The following ASB3 variants were observed in gnomAD, a reference collection of about 807,000 sequenced individuals.
ASB3 encodes ankyrin repeat and SOCS box containing 3.
In ASB3, 41 loss-of-function variants were observed where a neutral mutation model predicts 54.5. The ratio of observed to expected loss-of-function variants is 0.75; its 90% CI spans 0.59 to 0.98. The LOEUF is 0.98. Ranked by LOEUF, ASB3 falls within the 50% of genes least tolerant of loss-of-function variation. The probability of loss-of-function intolerance (pLI) is 0.00; values close to 1 mark genes in which losing one functional copy is unlikely to be tolerated. For missense variants in ASB3, 733 were observed against 620.0 expected (o/e 1.18, Z -1.94); for synonymous variants, 266 against 221.2 (o/e 1.20, Z -1.80).
At chr2:53,689,408 G>C (rs1402286565) in intron 9 of ASB3, among the ~76,000 whole-genome samples, 1 of 152,140 alleles carries the variant, frequency 6.6e-6, no homozygotes, top group Non-Finnish European at 1.5e-5. Flanking sequence ...ACATGTTCTT[G>C]CTAAAGAAAA....
At chr2:53,767,616 G>C (rs544084911) in intron 1 of ASB3, 1 of 438,072 alleles carries the variant, frequency 2.3e-6, no homozygotes, top group African/African-American at 2.0e-5. Context: ...AGGTAGGTTA[G>C]GGTGATTTAC....
chr2:53,693,269 C>A (rs1012675904), intron 9 of ASB3, among the ~76,000 whole-genome samples: 4 of 152,020 alleles, frequency 2.6e-5, no homozygotes, highest in African/African-American at 9.7e-5. Context: ...CAAAATCTTC[C>A]CCCACTGTGT....
chr2:53,713,586 G>A (rs13432632), intron 7 of ASB3, among the ~76,000 whole-genome samples: 6 of 151,978 alleles, frequency 3.9e-5, no homozygotes, highest in South Asian at 2.1e-4. Context: ...ATTTGGGGGC[G>A]TTTAAAAACT....
At chr2:53,753,908 T>C (rs1414837098) in intron 2 of ASB3, among the ~76,000 whole-genome samples, 1 of 152,158 alleles carries the variant, frequency 6.6e-6, no homozygotes, top group African/African-American at 2.4e-5. Flanking sequence ...CCCAAAGTGC[T>C]GAGATTACAG....
In ASB3 at chr2:53,750,799, C is replaced by T. The variant is rs1425729712; in HGVS notation, c.339G>A (p.Thr113=). Residue 113 remains threonine, a synonymous_variant, in exon 3 of 10, where the codon ACG becomes ACA. Transcript: ENST00000263634. Reference sequence around the variant, plus strand: ...CATACTTACCTAAAAACAATGGTGTCGTTTCTTCTAAAGTAGTTGCATTAG... The same window carrying T: ...CATACTTACCTAAAAACAATGGTGTTGTTTCTTCTAAAGTAGTTGCATTAG... ...ADPNATTLEE[T]TPLFLAVENG... is the part of the protein sequence containing the mutation. The T allele has an allele frequency of 5.7e-6, 9 of 1,566,030 alleles. No homozygotes were observed. The highest frequency in any genetic ancestry group is 7.8e-6 in the Non-Finnish European group (9 of 1,158,906).
intron 7 of ASB3, among the ~76,000 whole-genome samples, chr2:53,710,703 C>T (rs1385530426): frequency 1.3e-5 from 2 of 152,160 alleles, no homozygotes; most frequent in Non-Finnish European, 2.9e-5. Flanking sequence ...TTCTGTTTTA[C>T]CTTATACAGT....
chr2:53,766,417 A>G (rs1431049686), intron 1 of ASB3, among the ~76,000 whole-genome samples: 1 of 152,234 alleles, frequency 6.6e-6, no homozygotes. Context: ...TTGATTACAT[A>G]ACTATTGTTA....
At chr2:53,756,025 A>T (rs1672803765) in intron 2 of ASB3, among the ~76,000 whole-genome samples, 1 of 149,320 alleles carries the variant, frequency 6.7e-6, no homozygotes, top group South Asian at 2.2e-4. Context: ...AATTAGCCTG[A>T]TGTGATGGCA....
At chr2:53,699,752 T>A (rs1054052420) in intron 8 of ASB3, among the ~76,000 whole-genome samples, 3 of 152,202 alleles carry the variant, frequency 2.0e-5, no homozygotes, top group Non-Finnish European at 4.4e-5. Flanking sequence ...CCCCAAAAAA[T>A]TCTGACTCGG....
intron 1 of ASB3, among the ~76,000 whole-genome samples, chr2:53,779,904 T>C (rs1300321845): frequency 6.6e-6 from 1 of 152,244 alleles, no homozygotes; most frequent in Non-Finnish European, 1.5e-5. Context: ...GTCTAAAGTT[T>C]TTCTTTTAAC....
intron 2 of ASB3, among the ~76,000 whole-genome samples, chr2:53,761,844 C>T (rs974051079): frequency 5.3e-5 from 8 of 152,284 alleles, no homozygotes; most frequent in Middle Eastern, 3.4e-3. Flanking sequence ...AATGGTTAAC[C>T]ATGTAGACAA....
chr2:53,777,885 G>T (rs966286913), intron 1 of ASB3, among the ~76,000 whole-genome samples: 1 of 151,956 alleles, frequency 6.6e-6, no homozygotes, highest in Non-Finnish European at 1.5e-5. Context: ...GGTAGCTAAC[G>T]CCTGTAATCC....
intron 9 of ASB3, 42 bp from the exon 10 acceptor site, chr2:53,670,732 A>G (rs1277323240): frequency 1.3e-6 from 2 of 1,580,988 alleles, no homozygotes; most frequent in South Asian, 1.2e-5. Flanking sequence ...TTTTAAACAG[A>G]AAGATGTAAT....
intron 5 of ASB3, among the ~76,000 whole-genome samples, chr2:53,717,265 G>A (rs1455201905): frequency 6.6e-6 from 1 of 152,090 alleles, no homozygotes; most frequent in African/African-American, 2.4e-5. Context: ...GATAACTGCT[G>A]AAAAAGATAA....
chr2:53,715,817 G>A (rs576520057), intron 6 of ASB3, among the ~76,000 whole-genome samples: 3 of 152,102 alleles, frequency 2.0e-5, no homozygotes, highest in African/African-American at 7.2e-5. Flanking sequence ...TTCCTACTAT[G>A]TAAACAAACT....
chr2:53,778,514 CCCTTT>C lies in ASB3; in HGVS notation c.-14+8302_-14+8306del, dbSNP rs1443123682. The stretch of plus-strand genomic sequence containing the variant: ...CATATCTCAAAGAAAAAAATTCCTC[CCCTTT>C]GACTATCATCTCCCCATTCCCCCAT... On this transcript the variant is annotated intron_variant, in intron 1 of 9. Transcript: ENST00000263634. 2.0e-5 allele frequency among the ~76,000 whole-genome samples: 3 copies of C among 152,094 alleles called. No individual in the cohort carries two copies. The South Asian group carries it at 6.2e-4, about 31-fold the overall frequency.
intron 9 of ASB3, among the ~76,000 whole-genome samples, chr2:53,683,258 G>C (rs957118639): frequency 2.6e-5 from 4 of 152,134 alleles, no homozygotes; most frequent in African/African-American, 9.7e-5. Context: ...TTGATATAAC[G>C]TACCACACTG....
chr2:53,761,771 A>G (rs1673162250), intron 2 of ASB3, among the ~76,000 whole-genome samples: 1 of 152,128 alleles, frequency 6.6e-6, no homozygotes, highest in African/African-American at 2.4e-5. Flanking sequence ...TATTGGTTCT[A>G]TTTCTCCAGG....
In ASB3 at chr2:53,693,950, C is replaced by T; in HGVS notation, c.1303G>A (p.Ala435Thr). Reference sequence around the variant, plus strand: ...GAGAGCATCCTTTCAACAGCTGGTGCAAGTGTCTTCCAATTAGTAAACTCC... The same window carrying T: ...GAGAGCATCCTTTCAACAGCTGGTGTAAGTGTCTTCCAATTAGTAAACTCC... ...TLEFTNWKTL[A>T]PAVERMLSAR... The change falls in exon 9 of 10, where the codon GCA becomes ACA. Residue 435 changes from alanine (A) to threonine (T), a missense_variant. Coordinates refer to ENST00000263634, the MANE Select transcript of ASB3 (RefSeq NM_016115.5). 6.2e-7 allele frequency: 1 copy of T among 1,613,598 alleles called. No individual in the cohort carries two copies.
Sources: allele counts gnomAD v4.1 joint callset (sites outside exome capture counted in the v4.1 genomes callset), GRCh38; gene constraint gnomAD v4.1.1; transcripts MANE v1.5; gene names NCBI Gene and HGNC (gene_info 2026-07-23, HGNC 2026-07-21).